The following NAALADL2 variants were observed in gnomAD, a reference collection of about 807,000 sequenced individuals.
NAALADL2 encodes the protein inactive N-acetylated-alpha-linked acidic dipeptidase-like protein 2.
NAALADL2 carries 76 observed loss-of-function variants against 87.2 expected under a neutral mutation model. The observed-to-expected ratio is 0.87, with a 90% CI of 0.72 to 1.05. The LOEUF is 1.05. Ranked by LOEUF, NAALADL2 falls within the 50% of genes least tolerant of loss-of-function variation. The pLI is 0.00. For missense variants in NAALADL2, 1,089 were observed against 945.8 expected (o/e 1.15, Z -1.99); for synonymous variants, 354 against 331.0 (o/e 1.07, Z -0.75).
intron 1 of NAALADL2, among the ~76,000 whole-genome samples, chr3:174,472,551 C>T (rs1215379011): frequency 1.3e-5 from 2 of 152,082 alleles, no homozygotes; most frequent in South Asian, 2.1e-4. Context: ...TTTAAAATAC[C>T]AAGATCACTT....
intron 3 of NAALADL2, among the ~76,000 whole-genome samples, chr3:174,761,922 C>T (rs951822144): frequency 1.3e-5 from 2 of 152,014 alleles, no homozygotes; most frequent in Admixed American, 1.3e-4. Context: ...CCTGCAATTG[C>T]TTTTGCACCA....
chr3:174,963,857 ATAT>A (rs376499796), intron 1 of NAALADL2, among the ~76,000 whole-genome samples: 32 of 152,282 alleles, frequency 2.1e-4, no homozygotes, highest in African/African-American at 7.7e-4. Flanking sequence ...TGACAGGAAA[ATAT>A]TATTTGATCA....
At position 175,756,097 on chromosome 3, in the gene NAALADL2, C is replaced by T. The variant is rs559442086; in HGVS notation, c.2189+679C>T. ...GTACCCATCAATCATCATAAAACCA[C>T]GTCATTAAAACCACAATGAGAAACC... On this transcript the variant is annotated intron_variant, in intron 13 of 13. Coordinates refer to ENST00000454872, the MANE Select transcript of NAALADL2 (RefSeq NM_207015.3). Among the ~76,000 whole-genome samples, 32 of 151,984 alleles carry T rather than the reference C, an allele frequency of 2.1e-4. No homozygotes were observed. The South Asian group carries it at 5.4e-3, about 26-fold the overall frequency.
At chr3:175,781,458 A>G (rs1348905334) in intron 13 of NAALADL2, among the ~76,000 whole-genome samples, 1 of 152,134 alleles carries the variant, frequency 6.6e-6, no homozygotes, top group African/African-American at 2.4e-5. Context: ...CAGTCATATA[A>G]GCATATAGCA....
intron 11 of NAALADL2, among the ~76,000 whole-genome samples, chr3:175,628,611 C>T (rs9872277): frequency 7.6e-6 from 1 of 132,372 alleles, no homozygotes; most frequent in African/African-American, 2.9e-5. Context: ...TAATCTCTCT[C>T]TCTATGTATA....
At chr3:175,558,448 A>G (rs1163589703) in intron 9 of NAALADL2, among the ~76,000 whole-genome samples, 1 of 151,664 alleles carries the variant, frequency 6.6e-6, no homozygotes. Flanking sequence ...TCATTTGTCC[A>G]TTTTTGCTTT....
intron 1 of NAALADL2, among the ~76,000 whole-genome samples, chr3:174,882,546 T>C (rs955145005): frequency 8.7e-5 from 13 of 149,778 alleles, no homozygotes; most frequent in African/African-American, 2.0e-4. Flanking sequence ...CATACACACA[T>C]ATGTACATAT....
intron 11 of NAALADL2, among the ~76,000 whole-genome samples, chr3:175,682,569 AAG>A (rs1194112839): frequency 2.5e-4 from 38 of 151,982 alleles, no homozygotes; most frequent in Admixed American, 2.3e-3. Context: ...ATATCAGAAA[AAG>A]AGAGAATTGA....
intron 11 of NAALADL2, among the ~76,000 whole-genome samples, chr3:175,668,099 T>A (rs1733455696): frequency 6.6e-6 from 1 of 152,174 alleles, no homozygotes; most frequent in South Asian, 2.1e-4. Flanking sequence ...TTCAGAGGAA[T>A]TATTTCATTA....
At chr3:175,581,918 T>C (rs1035703640) in intron 10 of NAALADL2, among the ~76,000 whole-genome samples, 11 of 152,200 alleles carry the variant, frequency 7.2e-5, no homozygotes, top group African/African-American at 2.7e-4. Flanking sequence ...TATATAAAAC[T>C]GTGTATCTTT....
At chr3:175,454,197 T>C (rs986118549) in intron 6 of NAALADL2, among the ~76,000 whole-genome samples, 4 of 152,222 alleles carry the variant, frequency 2.6e-5, no homozygotes, top group Non-Finnish European at 1.5e-5. Flanking sequence ...CTTAGGCTTA[T>C]AGTTTTCATC....
intron 13 of NAALADL2, among the ~76,000 whole-genome samples, chr3:175,785,251 G>C (rs1751762052): frequency 6.7e-6 from 1 of 149,746 alleles, no homozygotes; most frequent in Admixed American, 6.6e-5. Context: ...TCAATTCCTG[G>C]GTATCCTTGT....
intron 2 of NAALADL2, among the ~76,000 whole-genome samples, chr3:174,693,117 C>A (rs1343712643): frequency 6.6e-6 from 1 of 151,862 alleles, no homozygotes; most frequent in Admixed American, 6.6e-5. Flanking sequence ...TCCAGTACTG[C>A]TCTTAGGGCC....
chr3:175,655,174 T>G (rs1731288176), intron 11 of NAALADL2, among the ~76,000 whole-genome samples: 3 of 152,172 alleles, frequency 2.0e-5, no homozygotes, highest in Admixed American at 6.5e-5. Flanking sequence ...CTCTTTGCAT[T>G]TGTGAGTAAA....
chr3:174,899,304 G>T (rs1005701343), intron 1 of NAALADL2, among the ~76,000 whole-genome samples: 1 of 152,112 alleles, frequency 6.6e-6, no homozygotes, highest in Non-Finnish European at 1.5e-5. Context: ...ATAATTATTT[G>T]CATATGATAC....
At chr3:174,832,012 T>A (rs563143080) in intron 3 of NAALADL2, among the ~76,000 whole-genome samples, 330 of 151,700 alleles carry the variant, frequency 2.2e-3, no homozygotes, top group African/African-American at 7.1e-3. Context: ...TTTCTTTATT[T>A]GTCTTGCTAG....
intron 2 of NAALADL2, among the ~76,000 whole-genome samples, chr3:175,182,063 C>T (rs1206933028): frequency 6.6e-6 from 1 of 151,812 alleles, no homozygotes; most frequent in East Asian, 1.9e-4. Context: ...CAACACTTAT[C>T]TTTTGTCTTT....
chr3:175,200,715 C>T (rs1739892627), intron 2 of NAALADL2, among the ~76,000 whole-genome samples: 1 of 152,120 alleles, frequency 6.6e-6, no homozygotes, highest in East Asian at 1.9e-4. Context: ...TTCTCATTGC[C>T]ATGAATTGGG....
At chr3:174,501,385 T>A (rs966433269) in intron 1 of NAALADL2, among the ~76,000 whole-genome samples, 1 of 152,202 alleles carries the variant, frequency 6.6e-6, no homozygotes, top group Non-Finnish European at 1.5e-5. Context: ...GCCTTTTTTT[T>A]CTTATACTAA....
Sources: allele counts gnomAD v4.1 joint callset (sites outside exome capture counted in the v4.1 genomes callset), GRCh38; gene constraint gnomAD v4.1.1; transcripts MANE v1.5; gene names NCBI Gene and HGNC (gene_info 2026-07-23, HGNC 2026-07-21).